EYS: variants seen among roughly 807,000 people sequenced by gnomAD.
The protein encoded by EYS is protein eyes shut homolog.
EYS carries 250 observed loss-of-function variants against 282.1 expected under a neutral mutation model. The observed-to-expected ratio is 0.89, with a 90% CI of 0.80 to 0.98. EYS has a LOEUF of 0.98. Ranked by LOEUF, EYS falls within the 50% of genes least tolerant of loss-of-function variation. The pLI, the probability that EYS is intolerant of heterozygous loss-of-function variation, is 0.00. For missense variants in EYS, 4,016 were observed against 3,709.0 expected, an observed-to-expected ratio of 1.08 and a Z score of -2.15; for synonymous variants, 1,355 against 1,282.9, an observed-to-expected ratio of 1.06 and a Z score of -1.20.
intron 31 of EYS, among the ~76,000 whole-genome samples, chr6:64,157,695 G>C (rs1774976206): frequency 1.3e-5 from 2 of 152,180 alleles, no homozygotes; most frequent in Admixed American, 6.5e-5. Context: ...AAGGCTTGGA[G>C]AGGTGTTGAG....
At chr6:64,836,801 A>T (rs1384258375) in intron 19 of EYS, among the ~76,000 whole-genome samples, 1 of 151,634 alleles carries the variant, frequency 6.6e-6, no homozygotes, top group African/African-American at 2.4e-5. Context: ...ATAAAAGACA[A>T]ATATAATAAA....
chr6:65,495,193 G>T lies in EYS; in HGVS notation c.218C>A (p.Ala73Asp), dbSNP rs1326141824. ...TTGCAAAGGGCAAATCTGGGGAACA[G>T]CTTGATTGCCTGAAGTATCTATTTT... ...NTKIDTSGNQ[A>D]VPQICPLQIQ... The change falls in exon 4 of 43, where the codon GCT becomes GAT. Residue 73 changes from alanine (A) to aspartate (D), a missense_variant. Coordinates refer to ENST00000503581, the MANE Select transcript of EYS (RefSeq NM_001142800.2). The T allele has an allele frequency of 4.3e-6, 7 of 1,614,054 alleles. No individual in the cohort carries two copies. In the African/African-American group the frequency reaches 9.3e-5, roughly 22 times the overall value.
chr6:63,886,739 C>T (rs1196849740), intron 35 of EYS, among the ~76,000 whole-genome samples: 1 of 151,714 alleles, frequency 6.6e-6, no homozygotes, highest in African/African-American at 2.4e-5. Flanking sequence ...TGGGAGATGG[C>T]GATATATTAT....
chr6:64,213,007 G>A lies in EYS; in HGVS notation c.6424+17585C>T, dbSNP rs560697611. Among the ~76,000 whole-genome samples, 35 of 152,220 alleles carry A rather than the reference G, an allele frequency of 2.3e-4. No individual in the cohort carries two copies. The South Asian group carries it at 3.7e-3, about 16-fold the overall frequency. On this transcript the variant is annotated intron_variant, in intron 31 of 42. Transcript: ENST00000503581. ...CATTATCTCTAGCAAACTAACACAG[G>A]AACAGAAAACCAAATATTCCATGTT...
chr6:64,112,747 C>CTATATATCTAGAATAGA (rs1274984379), intron 31 of EYS, among the ~76,000 whole-genome samples: 1 of 148,504 alleles, frequency 6.7e-6, no homozygotes, highest in Non-Finnish European at 1.5e-5. Flanking sequence ...TATATATCTT[C>CTATATATCTAGAATAGA]TATATATCTA....
intron 2 of EYS, among the ~76,000 whole-genome samples, chr6:65,497,420 G>A (rs1372017366): frequency 6.6e-6 from 1 of 151,998 alleles, no homozygotes; most frequent in Admixed American, 6.6e-5. Flanking sequence ...ATTGCCAAAG[G>A]AAAAATGTTC....
intron 16 of EYS, among the ~76,000 whole-genome samples, chr6:64,904,643 G>A (rs1479262382): frequency 6.6e-6 from 1 of 152,072 alleles, no homozygotes; most frequent in African/African-American, 2.4e-5. Context: ...TGGGAGGCAG[G>A]GCATTTTGAC....
chr6:65,180,726 C>T (rs1765357137), intron 12 of EYS, among the ~76,000 whole-genome samples: 1 of 151,926 alleles, frequency 6.6e-6, no homozygotes, highest in African/African-American at 2.4e-5. Flanking sequence ...CATATGGAAC[C>T]AAAAAAGAGC....
Position 64,254,034 on chromosome 6 carries a change from A to G in EYS, c.6192-23210T>C, listed in dbSNP as rs1037935809. Among the ~76,000 whole-genome samples the G allele has an allele frequency of 3.3e-5, 5 of 152,050 alleles. No individual in the cohort carries two copies. The South Asian group carries it at 8.3e-4, about 25-fold the overall frequency. On this transcript the variant is annotated intron_variant, in intron 30 of 42. Coordinates refer to ENST00000503581, the MANE Select transcript of EYS (RefSeq NM_001142800.2). Reference sequence around the variant, plus strand: ...AACCTAAGCTTTTAATTCACATTCTATTTTCTAGGAAATCTGGTACAAGAA... The same window carrying G: ...AACCTAAGCTTTTAATTCACATTCTGTTTTCTAGGAAATCTGGTACAAGAA...
chr6:64,641,136 A>G (rs1293010214), intron 22 of EYS, among the ~76,000 whole-genome samples: 2 of 152,234 alleles, frequency 1.3e-5, no homozygotes, highest in African/African-American at 4.8e-5. Context: ...TACAAAAGAA[A>G]CAGGTTTAAT....
intron 26 of EYS, among the ~76,000 whole-genome samples, chr6:64,474,412 C>G (rs1361566408): frequency 6.6e-6 from 1 of 152,148 alleles, no homozygotes; most frequent in Non-Finnish European, 1.5e-5. Flanking sequence ...GTAGCATAAA[C>G]TCAACCTTTA....
intron 11 of EYS, among the ~76,000 whole-genome samples, chr6:65,327,916 A>G (rs1222464285): frequency 2.0e-5 from 3 of 151,598 alleles, no homozygotes; most frequent in African/African-American, 7.2e-5. Context: ...AAATTCTAAG[A>G]AATTTCTGAA....
intron 2 of EYS, among the ~76,000 whole-genome samples, chr6:65,621,361 G>C (rs1766485837): frequency 6.6e-6 from 1 of 151,700 alleles, no homozygotes; most frequent in South Asian, 2.1e-4. Context: ...TTTTAGCAGA[G>C]ACTAGGATTG....
chr6:64,262,982 A>G (rs771633295), intron 30 of EYS, among the ~76,000 whole-genome samples: 8 of 152,054 alleles, frequency 5.3e-5, no homozygotes, highest in Non-Finnish European at 8.8e-5. Context: ...GAGTCAGACT[A>G]TTTTGTTTAA....
At position 65,504,788 on chromosome 6, in the gene EYS, T is replaced by C. The variant is rs549030641; in HGVS notation, c.-332-8795A>G. 2.7e-4 allele frequency among the ~76,000 whole-genome samples: 41 copies of C among 151,752 alleles called. No homozygotes were observed. The South Asian group carries it at 8.1e-3, about 30-fold the overall frequency. ...AATAAATAAAAAAATTATTATTCTT[T>C]TTACTTATTGTTGGATTCAAGTTTA... On this transcript the variant is annotated intron_variant, in intron 2 of 42. Transcript: ENST00000503581.
chr6:65,612,771 TAAA>T (rs11385339), intron 2 of EYS, among the ~76,000 whole-genome samples: 42 of 151,214 alleles, frequency 2.8e-4, no homozygotes, highest in Admixed American at 1.7e-3. Flanking sequence ...TATTATAACT[TAAA>T]AAAGCAAGTG....
chr6:64,112,057 AT>A (rs1773221684), intron 31 of EYS, among the ~76,000 whole-genome samples: 1 of 152,036 alleles, frequency 6.6e-6, no homozygotes, highest in African/African-American at 2.4e-5. Context: ...TGATTTTGTC[AT>A]CCCTTACATT....
chr6:65,619,066 G>A (rs1301914961), intron 2 of EYS, among the ~76,000 whole-genome samples: 2 of 152,014 alleles, frequency 1.3e-5, no homozygotes, highest in East Asian at 3.9e-4. Flanking sequence ...GAACTTTAAA[G>A]TAGTTTTTTC....
chr6:65,130,807 A>G (rs1367070810), intron 12 of EYS, among the ~76,000 whole-genome samples: 1 of 151,630 alleles, frequency 6.6e-6, no homozygotes, highest in Non-Finnish European at 1.5e-5. Context: ...AGTTAAAAAA[A>G]AAAAAAGAAA....
Sources: gnomAD v4.1 joint callset for allele counts (sites outside exome capture counted in the v4.1 genomes callset) on GRCh38, gnomAD v4.1.1 for gene constraint, MANE v1.5 for transcripts, NCBI Gene and HGNC (gene_info 2026-07-23, HGNC 2026-07-21) for gene names.